LMX1A: variants seen among roughly 807,000 people sequenced by gnomAD.
The protein encoded by LMX1A is LIM homeobox transcription factor 1-alpha.
In LMX1A, 15 loss-of-function variants were observed where a neutral mutation model predicts 49.1. The ratio of observed to expected loss-of-function variants is 0.31; its 90% CI spans 0.20 to 0.47. The LOEUF (loss-of-function observed/expected upper bound fraction) is 0.47. Among genes scored for constraint, LMX1A ranks in the 20% least tolerant of loss-of-function variants. LMX1A has a pLI of 1.00. For synonymous variants in LMX1A, 167 were observed against 185.7 expected (o/e 0.90, Z 0.82); for missense variants, 372 against 475.8 (o/e 0.78, Z 2.03).
At chr1:165,269,931 T>C (rs1653746814) in intron 3 of LMX1A, among the ~76,000 whole-genome samples, 1 of 152,010 alleles carries the variant, frequency 6.6e-6, no homozygotes, top group African/African-American at 2.4e-5. Context: ...GGAAAAGAGC[T>C]AATGAATGCT....
intron 3 of LMX1A, among the ~76,000 whole-genome samples, chr1:165,292,056 C>T (rs1247301908): frequency 9.0e-6 from 1 of 110,902 alleles, no homozygotes; most frequent in South Asian, 3.0e-4. Context: ...AGCGAAACTC[C>T]GTCTCAAAAA....
At chr1:165,211,455 G>A (rs1297162591) in intron 5 of LMX1A, 1 of 152,358 alleles carries the variant, frequency 6.6e-6, no homozygotes, top group African/African-American at 2.4e-5. Flanking sequence ...ACACAGTGAG[G>A]GTCTGGCAAG....
chr1:165,209,324 C>T (rs2102598147), intron 6 of LMX1A, among the ~76,000 whole-genome samples: 1 of 152,246 alleles, frequency 6.6e-6, no homozygotes, highest in East Asian at 1.9e-4. Flanking sequence ...GCATACGGTT[C>T]CTAAAATTTT....
rs376393701 is a variant in LMX1A, at chr1:165,206,708, T to G, written c.818-674A>C. Among the ~76,000 whole-genome samples, 27 of 152,238 alleles carry G rather than the reference T, an allele frequency of 1.8e-4. No individual in the cohort carries two copies. The East Asian group carries it at 1.9e-3, about 11-fold the overall frequency. On this transcript the variant is annotated intron_variant, in intron 7 of 8. Transcript: ENST00000342310. Reference sequence around the variant, plus strand: ...AGGCATTAGGGCCCTACCCTAGGGATGCACACAGCCTGAGGAACAAGGAAA... The same window carrying G: ...AGGCATTAGGGCCCTACCCTAGGGAGGCACACAGCCTGAGGAACAAGGAAA...
intron 3 of LMX1A, among the ~76,000 whole-genome samples, chr1:165,324,362 T>C (rs554032647): frequency 6.6e-6 from 1 of 152,312 alleles, no homozygotes; most frequent in African/African-American, 2.4e-5. Context: ...CTTGCTACTC[T>C]ACTAATTAGA....
chr1:165,221,649 C>T (rs1385671685), intron 4 of LMX1A, among the ~76,000 whole-genome samples: 5 of 152,184 alleles, frequency 3.3e-5, no homozygotes, highest in East Asian at 1.9e-4. Flanking sequence ...TCAGCTCAGA[C>T]GTCCAGGCAG....
intron 5 of LMX1A, chr1:165,213,427 T>C: frequency 4.1e-6 from 2 of 490,616 alleles, no homozygotes; most frequent in Non-Finnish European, 7.2e-6. Flanking sequence ...GGAGTTGGTG[T>C]GCATGCATGA....
rs192306455 is a variant in LMX1A at position 165,292,609 on chromosome 1, G to A, written c.264-42969C>T. 1.3e-3 allele frequency among the ~76,000 whole-genome samples: 204 copies of A among 152,334 alleles called. 1 individual carries two copies. Among genetic ancestry groups the A allele is most frequent in the African/African-American group, 4.6e-3 (190 of 41,578 alleles). On this transcript the variant is annotated intron_variant, in intron 3 of 8. Transcript: ENST00000342310. ...GCCTGACTGGTTTGTACATTAAAAT[G>A]CCTGAGGATGAAAATTATTTCACTT...
intron 3 of LMX1A, among the ~76,000 whole-genome samples, chr1:165,316,490 G>A (rs1254901402): frequency 1.3e-5 from 2 of 152,080 alleles, no homozygotes; most frequent in African/African-American, 4.8e-5. Context: ...CCTCATGATG[G>A]GCACCCTTGG....
intron 3 of LMX1A, among the ~76,000 whole-genome samples, chr1:165,305,900 A>G (rs2101729120): frequency 6.6e-6 from 1 of 152,312 alleles, no homozygotes; most frequent in East Asian, 1.9e-4. Context: ...AAACGAGCAC[A>G]GCCCTGGTCC....
intron 3 of LMX1A, among the ~76,000 whole-genome samples, chr1:165,290,512 G>A (rs898177323): frequency 1.3e-5 from 2 of 151,816 alleles, no homozygotes; most frequent in African/African-American, 2.4e-5. Context: ...AGCATTTCAG[G>A]CCCACCCAGA....
At chr1:165,245,564 G>A (rs534443747) in intron 4 of LMX1A, among the ~76,000 whole-genome samples, 15 of 151,062 alleles carry the variant, frequency 9.9e-5, no homozygotes, top group East Asian at 3.9e-4. Context: ...TCTCTGGTTC[G>A]TCAATGACCT....
At chr1:165,299,770 T>TAA (rs35840243) in intron 3 of LMX1A, among the ~76,000 whole-genome samples, 54,005 of 131,750 alleles carry the variant, frequency 0.41, 11,551 homozygotes, top group East Asian at 0.65. Context: ...AGAAACACAC[T>TAA]AAAAAAAAAA....
intron 3 of LMX1A, among the ~76,000 whole-genome samples, chr1:165,269,094 A>G (rs1048259422): frequency 6.6e-6 from 1 of 152,170 alleles, no homozygotes; most frequent in African/African-American, 2.4e-5. Context: ...ACTTACTCCC[A>G]TCACCTCACC....
At chr1:165,254,449 TC>T (rs10714297) in intron 3 of LMX1A, among the ~76,000 whole-genome samples, 15,360 of 152,214 alleles carry the variant, frequency 0.1, 989 homozygotes, top group Non-Finnish European at 0.15. Flanking sequence ...TCCCTCCCTT[TC>T]TGGGTTCAAA....
chr1:165,290,441 CGT>C (rs34305063), intron 3 of LMX1A, among the ~76,000 whole-genome samples: 29 of 149,670 alleles, frequency 1.9e-4, no homozygotes, highest in African/African-American at 3.2e-4. Flanking sequence ...ACATTGCCTT[CGT>C]GTGTGTGTGT....
At chr1:165,275,881 GTGTGTT>G (rs1653953298) in intron 3 of LMX1A, among the ~76,000 whole-genome samples, 1 of 149,738 alleles carries the variant, frequency 6.7e-6, no homozygotes, top group Non-Finnish European at 1.5e-5. Flanking sequence ...GTGTGTGTGT[GTGTGTT>G]TGTCTTCCTC....
chr1:165,337,907 T>TGTGTGTGTGTGTG (rs1553213782), intron 3 of LMX1A, among the ~76,000 whole-genome samples: 1 of 151,514 alleles, frequency 6.6e-6, no homozygotes, highest in Non-Finnish European at 1.5e-5. Flanking sequence ...TGTGTGTGTG[T>TGTGTGTGTGTGTG]TACTACCCCA....
At chr1:165,353,482 G>T (rs954008273) in intron 2 of LMX1A, among the ~76,000 whole-genome samples, 2 of 152,112 alleles carry the variant, frequency 1.3e-5, no homozygotes, top group African/African-American at 2.4e-5. Context: ...AATTCCAAGC[G>T]GGGGAGGGTA....
Sources: gnomAD v4.1 joint callset for allele counts (sites outside exome capture counted in the v4.1 genomes callset) on GRCh38, gnomAD v4.1.1 for gene constraint, MANE v1.5 for transcripts, NCBI Gene and HGNC (gene_info 2026-07-23, HGNC 2026-07-21) for gene names.